The following SMG6 variants were observed in gnomAD, a reference collection of about 807,000 sequenced individuals.
SMG6 encodes the protein SMG6 nonsense mediated mRNA decay factor, also known as telomerase-binding protein EST1A.
In SMG6, 66 loss-of-function variants were observed where a neutral mutation model predicts 142.2. The observed-to-expected ratio is 0.46, with a 90% confidence interval of 0.38 to 0.57. The LOEUF (loss-of-function observed/expected upper bound fraction) is 0.57, where lower values mean the gene tolerates loss of function less well. Ranked by LOEUF, SMG6 falls within the 20% of genes least tolerant of loss-of-function variation. SMG6 has a pLI of 0.00. For synonymous variants in SMG6, 779 were observed against 702.4 expected (o/e 1.11, Z -1.72); for missense variants, 1,793 against 1,832.0 (o/e 0.98, Z 0.39).
In SMG6 at chr17:2,073,991, A is replaced by G. The variant is rs571239372; in HGVS notation, c.3682-5060T>C. ...CTACTCGGGAGGCTGAGGCAGGAGA[A>G]TCGCTTAAACCCGGGAGGCAGCGGT... On this transcript the variant is annotated intron_variant, in intron 15 of 18. Transcript: ENST00000263073. 9.9e-5 allele frequency among the ~76,000 whole-genome samples: 15 copies of G among 152,122 alleles called. No homozygotes were observed. The South Asian group carries it at 2.9e-3, about 29-fold the overall frequency.
intron 8 of SMG6, among the ~76,000 whole-genome samples, chr17:2,247,179 C>T (rs2073945660): frequency 6.6e-6 from 1 of 152,168 alleles, no homozygotes; most frequent in African/African-American, 2.4e-5. Context: ...CTCGCTTGAC[C>T]TGTAAACACT....
At chr17:2,270,954 A>G (rs1371848461) in intron 8 of SMG6, among the ~76,000 whole-genome samples, 1 of 152,140 alleles carries the variant, frequency 6.6e-6, no homozygotes, top group Non-Finnish European at 1.5e-5. Flanking sequence ...TTCTCTCTAC[A>G]CACAGGAGGA....
intron 8 of SMG6, among the ~76,000 whole-genome samples, chr17:2,269,910 T>G (rs914980739): frequency 6.6e-6 from 1 of 152,124 alleles, no homozygotes; most frequent in Non-Finnish European, 1.5e-5. Flanking sequence ...ACGCCTGTAA[T>G]CCTAGTGCTT....
intron 13 of SMG6, among the ~76,000 whole-genome samples, chr17:2,153,613 G>C (rs2070894348): frequency 6.6e-6 from 1 of 152,004 alleles, no homozygotes; most frequent in African/African-American, 2.4e-5. Flanking sequence ...GTGTGACGGT[G>C]ACTGGGGAAC....
intron 13 of SMG6, among the ~76,000 whole-genome samples, chr17:2,167,184 G>GA (rs148686802): frequency 0.34 from 48,550 of 141,128 alleles, 9,069 homozygotes; most frequent in African/African-American, 0.48. Context: ...TAAAAGGCAG[G>GA]CAAAAAAAAT....
At chr17:2,188,583 C>G in intron 10 of SMG6, 68 bp from the exon 11 acceptor site, 3 of 1,387,824 alleles carry the variant, frequency 2.2e-6, no homozygotes, top group East Asian at 4.6e-5. Flanking sequence ...GCCACGTTAC[C>G]GAGCTTCCTT....
At chr17:2,288,751 C>T (rs1249314251) in intron 6 of SMG6, among the ~76,000 whole-genome samples, 5 of 151,078 alleles carry the variant, frequency 3.3e-5, no homozygotes, top group Admixed American at 6.6e-5. Flanking sequence ...GATAACATGG[C>T]GAAATCCCGT....
chr17:2,088,600 G>A (rs1196820002), intron 13 of SMG6: 1 of 985,334 alleles, frequency 1.0e-6, no homozygotes, highest in Non-Finnish European at 1.2e-6. Context: ...GATTCTACCT[G>A]TTTGGAGAGA....
intron 3 of SMG6, 46 bp downstream of exon 3, chr17:2,297,817 A>C: frequency 6.4e-7 from 1 of 1,571,550 alleles, no homozygotes; most frequent in South Asian, 1.1e-5. Flanking sequence ...TCGTAACTAC[A>C]GAATGCTGAA....
In SMG6 at chr17:2,288,772, A is replaced by G. The variant is rs548357052; in HGVS notation, c.2337+3780T>C. 3.6e-4 allele frequency among the ~76,000 whole-genome samples: 55 copies of G among 151,762 alleles called. 1 individual carries two copies. The highest frequency in any genetic ancestry group is 1.0e-3 in the South Asian group (5 of 4,790). ...ATGGCGAAATCCCGTCTCTACAAAA[A>G]ATACAAAAATTAGCCAGGCGTGAGC... On this transcript the variant is annotated intron_variant, in intron 6 of 18. Transcript: ENST00000263073.
intron 12 of SMG6, among the ~76,000 whole-genome samples, chr17:2,175,464 G>T (rs1310788756): frequency 6.6e-6 from 1 of 152,060 alleles, no homozygotes; most frequent in Non-Finnish European, 1.5e-5. Context: ...GATCCAAGAT[G>T]AAGAAATATG....
Position 2,210,616 on chromosome 17 carries a change from G to A in SMG6, c.2870-22101C>T, listed in dbSNP as rs113611269. Among the ~76,000 whole-genome samples the A allele has an allele frequency of 1.1e-4, 16 of 152,096 alleles. 1 individual carries two copies. Among genetic ancestry groups the A allele is most frequent in the African/African-American group, 3.4e-4 (14 of 41,506 alleles). On this transcript the variant is annotated intron_variant, in intron 10 of 18. Transcript: ENST00000263073. ...AAAGAGAAAGAGGAGGGCAAACGTA[G>A]TATCTTTAGTTAATGCTGATATACT... is the stretch of plus-strand genomic sequence containing the variant.
intron 15 of SMG6, chr17:2,072,108 C>T (rs2068119395): frequency 6.6e-6 from 1 of 152,236 alleles, no homozygotes; most frequent in Non-Finnish European, 1.5e-5. Context: ...AAGCATGCCG[C>T]TGCAGAGTTC....
intron 9 of SMG6, among the ~76,000 whole-genome samples, chr17:2,242,270 T>C (rs1458288423): frequency 6.7e-6 from 1 of 150,250 alleles, no homozygotes; most frequent in Non-Finnish European, 1.5e-5. Context: ...CCCAGCACTT[T>C]GGGAGGCTGA....
intron 13 of SMG6, among the ~76,000 whole-genome samples, chr17:2,137,640 G>A (rs75807441): frequency 0.016 from 2,434 of 152,152 alleles, 80 homozygotes; most frequent in African/African-American, 0.056. Flanking sequence ...TGAGAATGAA[G>A]GGATAAAAGA....
chr17:2,270,799 C>T (rs1017981261), intron 8 of SMG6, among the ~76,000 whole-genome samples: 8 of 152,194 alleles, frequency 5.3e-5, no homozygotes, highest in Middle Eastern at 3.2e-3. Context: ...CAAATTAATG[C>T]CCCATTCCCC....
At chr17:2,145,554 C>T (rs1380698982) in intron 13 of SMG6, among the ~76,000 whole-genome samples, 1 of 144,510 alleles carries the variant, frequency 6.9e-6, no homozygotes, top group African/African-American at 2.6e-5. Context: ...GTGGCTCACA[C>T]CTGTAATCCC....
At chr17:2,174,392 C>T (rs186746264) in intron 12 of SMG6, among the ~76,000 whole-genome samples, 3 of 152,280 alleles carry the variant, frequency 2.0e-5, no homozygotes, top group East Asian at 1.9e-4. Flanking sequence ...GACATGCCAC[C>T]GAAGGTGACA....
chr17:2,242,118 T>C (rs1362538724), intron 9 of SMG6, among the ~76,000 whole-genome samples: 2 of 151,620 alleles, frequency 1.3e-5, no homozygotes, highest in South Asian at 2.1e-4. Context: ...TAGGGCAACA[T>C]GGTACGGGAA....
Sources: allele counts gnomAD v4.1 joint callset (sites outside exome capture counted in the v4.1 genomes callset), GRCh38; gene constraint gnomAD v4.1.1; transcripts MANE v1.5; gene names NCBI Gene and HGNC (gene_info 2026-07-23, HGNC 2026-07-21).